The following CAB39L variants were observed in gnomAD, a reference collection of about 807,000 sequenced individuals.
CAB39L encodes calcium binding protein 39 like, also known as calcium-binding protein 39-like.
A neutral mutation model predicts 39.1 loss-of-function variants in CAB39L; 23 were observed. The ratio of observed to expected loss-of-function variants is 0.59; its 90% CI spans 0.42 to 0.83. The LOEUF is 0.83. Among genes scored for constraint, CAB39L ranks in the 40% least tolerant of loss-of-function variants. CAB39L has a pLI of 0.00. For synonymous variants in CAB39L, 126 were observed against 137.2 expected (o/e 0.92, Z 0.57); for missense variants, 366 against 391.9 (o/e 0.93, Z 0.56).
At chr13:49,323,254 A>G (rs1954404097) in intron 10 of CAB39L, among the ~76,000 whole-genome samples, 1 of 152,238 alleles carries the variant, frequency 6.6e-6, no homozygotes, top group Non-Finnish European at 1.5e-5. Context: ...CTCGAGTTGA[A>G]GAGAACACTG....
chr13:49,423,303 A>G (rs1482709459), intron 3 of CAB39L, among the ~76,000 whole-genome samples: 2 of 152,236 alleles, frequency 1.3e-5, no homozygotes, highest in Non-Finnish European at 2.9e-5. Flanking sequence ...ACATTTTGAG[A>G]ACCACTGCCT....
At chr13:49,402,799 C>T (rs1053181839) in intron 3 of CAB39L, among the ~76,000 whole-genome samples, 1 of 152,050 alleles carries the variant, frequency 6.6e-6, no homozygotes, top group African/African-American at 2.4e-5. Flanking sequence ...TTGGTTATTT[C>T]TTAGCACCTA....
chr13:49,318,178 T>C (rs558947992), intron 10 of CAB39L, among the ~76,000 whole-genome samples: 3 of 151,986 alleles, frequency 2.0e-5, no homozygotes, highest in African/African-American at 7.2e-5. Flanking sequence ...ATTGAAACCC[T>C]GGGCCAGGAA....
At chr13:49,359,873 A>C in intron 5 of CAB39L, 41 bp from the exon 6 acceptor site, 1 of 1,072,164 alleles carries the variant, frequency 9.3e-7, no homozygotes, top group Non-Finnish European at 1.4e-6. Flanking sequence ...TACACTCTAA[A>C]TGGATGAATT....
At chr13:49,348,489 G>T (rs1200218653) in intron 7 of CAB39L, among the ~76,000 whole-genome samples, 1 of 152,124 alleles carries the variant, frequency 6.6e-6, no homozygotes, top group Non-Finnish European at 1.5e-5. Context: ...GATCACCTGA[G>T]CCTGGGAGGC....
intron 10 of CAB39L, among the ~76,000 whole-genome samples, chr13:49,330,283 G>A (rs1954652267): frequency 3.9e-5 from 6 of 152,044 alleles, no homozygotes; most frequent in Admixed American, 3.9e-4. Context: ...ATTACTTTTG[G>A]CTAATAAAGT....
rs140013334 is a variant in CAB39L at position 49,364,823 on chromosome 13, G to A, written c.277-4991C>T. On this transcript the variant is annotated intron_variant, in intron 5 of 10. Transcript: ENST00000409308. The stretch of plus-strand genomic sequence containing the variant: ...ACATGCAAAAAAGGAAAGATATTCC[G>A]TGTCCATGGATTGAAAGAAACAATA... Among the ~76,000 whole-genome samples, 688 of 152,132 alleles carry A rather than the reference G, an allele frequency of 4.5e-3. 4 individuals are homozygous for A. Among genetic ancestry groups the A allele is most frequent in the African/African-American group, 6.0e-3 (250 of 41,534 alleles).
In CAB39L at chr13:49,308,767, AT is replaced by A. The variant is rs962517295; in HGVS notation, c.*2046del. 5.2e-5 allele frequency: 8 copies of A among 152,682 alleles called. No homozygotes were observed. Among genetic ancestry groups the A allele is most frequent in the Admixed American group, 5.2e-4 (8 of 15,302 alleles). The allele number at this position is 152,682 out of a possible 1,614,324, so 9.5% of individuals were successfully genotyped here. A position where few individuals can be genotyped will look rare whatever the true frequency, so the allele number is the denominator to read the frequency against. On this transcript the variant is annotated 3_prime_UTR_variant, in exon 11 of 11. Transcript: ENST00000409308. Reference sequence around the variant, plus strand: ...TTTACAGTGAACTTTGTGCAAACAAATCCCCCTTTGTGCAAAGGGGGAGCTT... The same window carrying A: ...TTTACAGTGAACTTTGTGCAAACAAACCCCCTTTGTGCAAAGGGGGAGCTT...
intron 3 of CAB39L, among the ~76,000 whole-genome samples, chr13:49,415,098 G>C (rs1957059809): frequency 6.6e-6 from 1 of 152,110 alleles, no homozygotes; most frequent in African/African-American, 2.4e-5. Flanking sequence ...TTGGGACGCT[G>C]AGGTGGGAGA....
At chr13:49,322,830 A>G (rs1221461470) in intron 10 of CAB39L, among the ~76,000 whole-genome samples, 1 of 152,136 alleles carries the variant, frequency 6.6e-6, no homozygotes, top group East Asian at 1.9e-4. Flanking sequence ...ACCATCCTCA[A>G]TGACCTATTC....
chr13:49,366,642 A>C (rs193255626), intron 5 of CAB39L, among the ~76,000 whole-genome samples: 1,671 of 150,292 alleles, frequency 0.011, 32 homozygotes, highest in South Asian at 0.024. Flanking sequence ...AAAAAAAAAA[A>C]AAAAAAACCC....
intron 3 of CAB39L, among the ~76,000 whole-genome samples, chr13:49,421,913 C>CA (rs1197424493): frequency 2.6e-5 from 4 of 151,946 alleles, no homozygotes; most frequent in African/African-American, 4.8e-5. Context: ...ATAATACACA[C>CA]AAAAAATAAT....
intron 10 of CAB39L, among the ~76,000 whole-genome samples, chr13:49,324,986 A>G (rs1327580988): frequency 6.6e-6 from 1 of 152,218 alleles, no homozygotes; most frequent in African/African-American, 2.4e-5. Context: ...TACTGCAAAA[A>G]TATTTTGTAA....
chr13:49,314,734 CTT>C (rs1954106134), intron 10 of CAB39L, among the ~76,000 whole-genome samples: 1 of 152,196 alleles, frequency 6.6e-6, no homozygotes, highest in Admixed American at 6.5e-5. Context: ...CTCTTATTAG[CTT>C]TATGATTTCA....
Position 49,431,054 on chromosome 13 carries a change from G to A in CAB39L, c.-32+2264C>T, listed in dbSNP as rs114735769. 6.2e-3 allele frequency among the ~76,000 whole-genome samples: 938 copies of A among 152,240 alleles called. 6 individuals are homozygous for A. Among genetic ancestry groups the A allele is most frequent in the African/African-American group, 0.02 (838 of 41,530 alleles). On this transcript the variant is annotated intron_variant, in intron 3 of 10. Transcript: ENST00000409308. ...ACAATAAGCTGCACATATTTAAAGC[G>A]TACAACTCAAAAAGTTTGGACATAT...
At chr13:49,440,588 T>G (rs981503308) in intron 1 of CAB39L, among the ~76,000 whole-genome samples, 7 of 152,026 alleles carry the variant, frequency 4.6e-5, no homozygotes, top group African/African-American at 1.7e-4. Context: ...TCTAATGATA[T>G]TGATTCTTCC....
rs74072521 is a variant in CAB39L at position 49,356,677 on chromosome 13, C to T, written c.395+3037G>A. 3.8e-3 allele frequency among the ~76,000 whole-genome samples: 582 copies of T among 152,170 alleles called. 3 individuals carry two copies. Among genetic ancestry groups the T allele is most frequent in the African/African-American group, 0.013 (547 of 41,510 alleles). Reference sequence around the variant, plus strand: ...GTGTAAATGTACCAATCAAGTTATGCCCTAGGTTTTAAAGTGACTTCACAA... The same window carrying T: ...GTGTAAATGTACCAATCAAGTTATGTCCTAGGTTTTAAAGTGACTTCACAA... On this transcript the variant is annotated intron_variant, in intron 6 of 10. Coordinates refer to ENST00000409308, the MANE Select transcript of CAB39L (RefSeq NM_001079670.3).
chr13:49,348,930 G>A (rs1169312691), intron 7 of CAB39L, among the ~76,000 whole-genome samples: 2 of 152,008 alleles, frequency 1.3e-5, no homozygotes, highest in Non-Finnish European at 2.9e-5. Context: ...CTCACCCTCC[G>A]CCAGGCATTC....
Position 49,441,221 on chromosome 13 carries a change from G to GTGTATATATATATATATATATATATA in CAB39L, c.-246+2764_-246+2765insTATATATATATATATATATATATACA, listed in dbSNP as rs1024957572. 5.8e-4 allele frequency among the ~76,000 whole-genome samples: 71 copies of GTGTATATATATATATATATATATATA among 121,394 alleles called. 1 individual carries two copies. The highest frequency in any genetic ancestry group is 2.5e-3 in the African/African-American group (67 of 27,222). The allele number at this position is 121,394 out of a possible 152,430, so 79.6% of individuals were successfully genotyped here. ...GATGATTTTCTTATAATGATTTAGT[G>GTGTATATATATATATATATATATATA]TATATATATATATATATATATATTC... On this transcript the variant is annotated intron_variant, in intron 1 of 10. Transcript: ENST00000409308.
Sources: gnomAD v4.1 joint callset for allele counts (sites outside exome capture counted in the v4.1 genomes callset) on GRCh38, gnomAD v4.1.1 for gene constraint, MANE v1.5 for transcripts, NCBI Gene and HGNC (gene_info 2026-07-23, HGNC 2026-07-21) for gene names.